The following ADAMTS13 variants were observed in gnomAD, a reference collection of about 807,000 sequenced individuals.
ADAMTS13 encodes the protein ADAM metallopeptidase with thrombospondin type 1 motif 13, also known as A disintegrin and metalloproteinase with thrombospondin motifs 13.
In ADAMTS13, 110 loss-of-function variants were observed where a neutral mutation model predicts 155.1. That is an observed-to-expected ratio of 0.71 (90% confidence interval 0.61 to 0.83). The LOEUF is 0.83. Ranked by LOEUF, ADAMTS13 falls within the 40% of genes least tolerant of loss-of-function variation. The pLI is 0.00. For synonymous variants in ADAMTS13, 758 were observed against 756.4 expected, an observed-to-expected ratio of 1.00 and a Z score of -0.03; for missense variants, 1,707 against 1,891.7, an observed-to-expected ratio of 0.90 and a Z score of 1.81.
At chr9:133,450,096 A>G in intron 23 of ADAMTS13, 131 bp downstream of exon 23, 1 of 1,102,202 alleles carries the variant, frequency 9.1e-7, no homozygotes, top group South Asian at 1.5e-5. Flanking sequence ...CCAGGAGTGC[A>G]AGTCCAACCT....
At chr9:133,422,628 C>T (rs1368215456) in intron 1 of ADAMTS13, 80 bp downstream of exon 1, 1 of 1,405,984 alleles carries the variant, frequency 7.1e-7, no homozygotes. Flanking sequence ...GAGGGGAGTG[C>T]CAAATAGCTG....
In ADAMTS13 at chr9:133,437,815, G is replaced by A; in HGVS notation, c.1502G>A (p.Ser501Asn). The change falls in exon 13 of 29, where the codon AGC (serine) becomes AAC (asparagine). Residue 501 changes from serine (S) to asparagine (N), a missense_variant. Around this residue, in one of 3 missense-constraint regions of ADAMTS13, gnomAD observed 733 missense variants for 749.6 expected, o/e 0.98. Transcript: ENST00000355699. Reference sequence around the variant, plus strand: ...AGCTTCATCATGAAGCGTGGAGACAGCTTCCTCGATGGGACCCGGTGTATG... The same window carrying A: ...AGCTTCATCATGAAGCGTGGAGACAACTTCCTCGATGGGACCCGGTGTATG... ...GESFIMKRGD[S>N]FLDGTRCMPS... 1 of 1,614,026 alleles carries A rather than the reference G, an allele frequency of 6.2e-7. No individual in the cohort carries two copies. Among genetic ancestry groups the A allele is most frequent in the African/African-American group, 1.3e-5 (1 of 75,068 alleles).
intron 8 of ADAMTS13, among the ~76,000 whole-genome samples, chr9:133,431,182 C>T (rs587684606): frequency 6.6e-6 from 1 of 151,826 alleles, no homozygotes; most frequent in African/African-American, 2.4e-5. Context: ...CCAGGCTTGT[C>T]TAGGACTCCT....
upstream of ADAMTS13, chr9:133,417,979 A>C (rs782082414): frequency 2.1e-5 from 17 of 790,724 alleles, no homozygotes; most frequent in Non-Finnish European, 3.3e-5. Context: ...CCAGGAAAAG[A>C]CTCCGGAAGA....
upstream of ADAMTS13, among the ~76,000 whole-genome samples, chr9:133,420,045 C>G (rs904149516): frequency 6.6e-6 from 1 of 152,206 alleles, no homozygotes; most frequent in Non-Finnish European, 1.5e-5. Context: ...GCTGGGATTA[C>G]AGGCATGTGC....
At position 133,436,966 on chromosome 9, in the gene ADAMTS13, C is replaced by T. The variant is rs377454829; in HGVS notation, c.1435+11C>T. ...TACCACACAGCCAAGGTGGGGCCTG[C>T]GGAGTGTGGGGTTGGGGGAGGAGCC... On this transcript the variant is annotated intron_variant, in intron 12 of 28. Coordinates refer to ENST00000355699, the MANE Select transcript of ADAMTS13 (RefSeq NM_139027.6). 8.4e-5 allele frequency: 134 copies of T among 1,594,272 alleles called. No homozygotes were observed. Among genetic ancestry groups the T allele is most frequent in the Middle Eastern group, 1.7e-4 (1 of 5,772 alleles).
At chr9:133,430,692 CCTA>C (rs1564415037) in intron 8 of ADAMTS13, among the ~76,000 whole-genome samples, 1 of 131,784 alleles carries the variant, frequency 7.6e-6, no homozygotes, top group Non-Finnish European at 1.6e-5. Context: ...CTTTTTTTTT[CCTA>C]TTTTTTTTTT....
intron 18 of ADAMTS13, among the ~76,000 whole-genome samples, chr9:133,443,062 A>C: frequency 6.6e-6 from 1 of 152,098 alleles, no homozygotes; most frequent in East Asian, 1.9e-4. Flanking sequence ...GTGATTGCCT[A>C]CCTGGAGGGT....
In ADAMTS13 at chr9:133,443,354, G is replaced by A. The variant is rs1554791448; in HGVS notation, c.2235-22G>A. 8.2e-6 allele frequency: 13 copies of A among 1,583,692 alleles called. 1 individual carries two copies. The highest frequency in any genetic ancestry group is 2.3e-5 in the South Asian group (2 of 87,896). On this transcript the variant is annotated intron_variant, in intron 18 of 28. Coordinates refer to ENST00000355699, the MANE Select transcript of ADAMTS13 (RefSeq NM_139027.6). ...CAGCCTGGGACCTGGCCAGGGTCCC[G>A]ACGCTCTGTCTCCTTCCTCAGCTGG...
Position 133,415,136 on chromosome 9 carries a change from C to T in ADAMTS13, n.287+492C>T, listed in dbSNP as rs587747119. On this transcript the variant is annotated intron_variant and non_coding_transcript_variant, in intron 1 of 17. Coordinates refer to the ADAMTS13 transcript ENST00000485925. ...CAAACACATCTATACAATTCCCATC[C>T]GCATCACTGAAATTCATTTTCAAAC... 2.7e-5 allele frequency: 20 copies of T among 729,884 alleles called. No homozygotes were observed. In the African/African-American group the frequency reaches 3.4e-4, roughly 12 times the overall value. The allele number at this position is 729,884 out of a possible 1,614,324, so 45.2% of individuals were successfully genotyped here.
rs201475502 is a variant in ADAMTS13 at position 133,425,034 on chromosome 9, GACAA to G, written c.331-490_331-487del. Among the ~76,000 whole-genome samples the G allele has an allele frequency of 0.026, 3,991 of 152,338 alleles. 115 individuals carry two copies. Among genetic ancestry groups the G allele is most frequent in the Admixed American group, 0.091 (1,396 of 15,294 alleles). On this transcript the variant is annotated intron_variant, in intron 3 of 28. Coordinates refer to ENST00000355699, the MANE Select transcript of ADAMTS13 (RefSeq NM_139027.6). This position sits in a 1 kb window ranked among gnomAD's most constrained non-coding sequence, Gnocchi z 4.6. ...CCCCCACTAGCCGCCGTCTCAGAAA[GACAA>G]ACAAGGCCAGGCGCGGTGGCTCATG...
chr9:133,447,804 C>T (rs1003572820), intron 21 of ADAMTS13, among the ~76,000 whole-genome samples: 21 of 150,670 alleles, frequency 1.4e-4, no homozygotes, highest in African/African-American at 4.4e-4. Context: ...ATGATGGCCA[C>T]GCTGGTCTCA....
Position 133,422,388 on chromosome 9 carries a change from C to G in ADAMTS13, c.-56C>G. The G allele has an allele frequency of 6.7e-7, 1 of 1,497,072 alleles. No individual in the cohort carries two copies. The highest frequency in any genetic ancestry group is 9.3e-7 in the Non-Finnish European group (1 of 1,079,622). 92.7% of individuals were successfully genotyped at this position (1,497,072 alleles called of 1,614,324 possible). ...TCCCATTCCATACTGACCAGATTCC[C>G]AGTCACCAAGGCCCCCTCTCACTCC... On this transcript the variant is annotated 5_prime_UTR_variant, in exon 1 of 29. Coordinates refer to ENST00000355699, the MANE Select transcript of ADAMTS13 (RefSeq NM_139027.6).
upstream of ADAMTS13, chr9:133,418,002 G>A (rs983435355): frequency 4.5e-6 from 3 of 663,584 alleles, no homozygotes; most frequent in South Asian, 3.9e-5. Context: ...CCCCGCACGC[G>A]TTGCGCATAC....
At chr9:133,449,210 T>C (rs781996241) in intron 22 of ADAMTS13, among the ~76,000 whole-genome samples, 37 of 152,164 alleles carry the variant, frequency 2.4e-4, no homozygotes, top group Admixed American at 7.2e-4. Flanking sequence ...TGGGTGCACA[T>C]GGTTGCTGGT....
At chr9:133,417,834 G>A (rs73550830), upstream of ADAMTS13, 105 of 1,600,652 alleles carry the variant, frequency 6.6e-5, 1 homozygote, top group African/African-American at 1.3e-3. Flanking sequence ...GGGGACCTTC[G>A]CCTTCCCCAT....
rs587716101 is a variant in ADAMTS13 at position 133,453,346 on chromosome 9, G to T, written c.3045-1069G>T. Among the ~76,000 whole-genome samples the T allele has an allele frequency of 2.0e-5, 3 of 152,334 alleles. No individual in the cohort carries two copies. The South Asian group carries it at 6.2e-4, about 32-fold the overall frequency. On this transcript the variant is annotated intron_variant, in intron 23 of 28. Transcript: ENST00000355699. ...AGCTACTTGGGAGGCTGAGGCAGGA[G>T]AATGACGTGAACCCAGGAGGCGGAG...
Position 133,459,146 on chromosome 9 carries a change from A to AC in ADAMTS13, c.4085dup (p.Gln1363SerfsTer26). ...CAATCATGGGTACCGGAGATGCAGGACCCTCAGTCCTGGAAGGGAAAGGAA... is the reference window on the plus strand; with the variant it reads ...CAATCATGGGTACCGGAGATGCAGGACCCCTCAGTCCTGGAAGGGAAAGGAA... On this transcript the variant is annotated frameshift_variant, in exon 29 of 29. Transcript: ENST00000355699. LOFTEE classifies it low-confidence loss of function (END_TRUNC). 1 of 1,612,312 alleles carries AC rather than the reference A, an allele frequency of 6.2e-7. No homozygotes were observed. The highest frequency in any genetic ancestry group is 1.1e-5 in the South Asian group (1 of 90,904).
chr9:133,443,629 C>A, intron 19 of ADAMTS13, 68 bp downstream of exon 19: 2 of 1,440,634 alleles, frequency 1.4e-6, no homozygotes, highest in Non-Finnish European at 1.8e-6. Context: ...CGCTGAGCCC[C>A]CATCCTTCTG....
Sources: allele counts gnomAD v4.1 joint callset (sites outside exome capture counted in the v4.1 genomes callset), GRCh38; gene constraint gnomAD v4.1.1; regional missense constraint gnomAD v4.1.1; non-coding constraint Gnocchi (gnomAD v3.1); transcripts MANE v1.5; gene names NCBI Gene and HGNC (gene_info 2026-07-23, HGNC 2026-07-21).